CDC42BPB: variants seen among roughly 807,000 people sequenced by gnomAD.
CDC42BPB encodes serine/threonine-protein kinase MRCK beta.
In CDC42BPB, 37 loss-of-function variants were observed where a neutral mutation model predicts 214.9. That is an observed-to-expected ratio of 0.17 (90% CI 0.13 to 0.23). CDC42BPB has a LOEUF of 0.23. Ranked by LOEUF, CDC42BPB falls within the 10% of genes least tolerant of loss-of-function variation. The probability of loss-of-function intolerance (pLI) is 1.00; values close to 1 mark genes in which losing one functional copy is unlikely to be tolerated. For missense variants in CDC42BPB, 1,694 were observed against 2,227.0 expected, an observed-to-expected ratio of 0.76 and a Z score of 4.82; for synonymous variants, 931 against 884.0, an observed-to-expected ratio of 1.05 and a Z score of -0.94.
At chr14:102,982,337 C>G (rs189529529) in intron 7 of CDC42BPB, among the ~76,000 whole-genome samples, 7 of 152,278 alleles carry the variant, frequency 4.6e-5, no homozygotes, top group Admixed American at 1.3e-4. Flanking sequence ...CCTGTGAGAG[C>G]GAACTGTGGG....
chr14:102,987,934 A>G lies in CDC42BPB; in HGVS notation c.597-1354T>C, dbSNP rs531176790. On this transcript the variant is annotated intron_variant, in intron 5 of 36. Transcript: ENST00000361246. ...GGCTGTAGTGAGCTGTGATTGCGCC[A>G]CTGCACTCCAGCCTGGGCGACAGAG... is the stretch of plus-strand genomic sequence containing the variant. Among the ~76,000 whole-genome samples, 13 of 152,034 alleles carry G rather than the reference A, an allele frequency of 8.6e-5. No homozygotes were observed. The East Asian group carries it at 2.5e-3, about 29-fold the overall frequency.
intron 5 of CDC42BPB, among the ~76,000 whole-genome samples, chr14:102,988,883 A>AC (rs1270465726): frequency 6.6e-6 from 1 of 151,678 alleles, no homozygotes. Context: ...AAAAAAAAAA[A>AC]AAAACAAACA....
intron 11 of CDC42BPB, chr14:102,974,379 T>C: frequency 1.0e-6 from 1 of 984,804 alleles, no homozygotes; most frequent in Non-Finnish European, 1.2e-6. Context: ...GACTTTACTC[T>C]GATCTGACAG....
chr14:102,996,183 C>A (rs1346116110), intron 5 of CDC42BPB, among the ~76,000 whole-genome samples: 2 of 151,938 alleles, frequency 1.3e-5, no homozygotes, highest in Middle Eastern at 3.4e-3. Context: ...ACTAAAAATA[C>A]AAAAAAATTA....
intron 5 of CDC42BPB, among the ~76,000 whole-genome samples, chr14:102,990,234 G>C (rs1310691174): frequency 6.6e-6 from 1 of 152,194 alleles, no homozygotes; most frequent in East Asian, 1.9e-4. Context: ...TGAAGGGGGA[G>C]ATGGGGTTAA....
intron 29 of CDC42BPB, chr14:102,945,211 G>GGGCCCCT (rs1228175170): frequency 4.4e-6 from 2 of 457,348 alleles, no homozygotes; most frequent in Admixed American, 4.7e-5. Context: ...ATGCTCCCCT[G>GGGCCCCT]GGCCCCTGCC....
At chr14:103,032,554 A>G (rs1470436665) in intron 1 of CDC42BPB, among the ~76,000 whole-genome samples, 3 of 151,026 alleles carry the variant, frequency 2.0e-5, no homozygotes, top group African/African-American at 7.3e-5. Context: ...AAAAAAAAAA[A>G]AAGGAGAGAG....
At position 102,994,833 on chromosome 14, in the gene CDC42BPB, C is replaced by T. The variant is rs367689325; in HGVS notation, c.596+4732G>A. On this transcript the variant is annotated intron_variant, in intron 5 of 36. Coordinates refer to ENST00000361246, the MANE Select transcript of CDC42BPB (RefSeq NM_006035.4). The stretch of plus-strand genomic sequence containing the variant: ...AGTGATGTCAACTCCCACTTCCATC[C>T]GTTCCCCTTGTGGAACTTCCTGCTG... Among the ~76,000 whole-genome samples, 10 of 152,326 alleles carry T rather than the reference C, an allele frequency of 6.6e-5. No individual in the cohort carries two copies. In the South Asian group the frequency reaches 1.4e-3, roughly 22 times the overall value.
intron 9 of CDC42BPB, among the ~76,000 whole-genome samples, chr14:102,977,339 CAAAAAAAAAAAAA>C (rs56368090): frequency 2.3e-5 from 2 of 85,110 alleles, no homozygotes; most frequent in South Asian, 4.9e-4. Context: ...ACTCCGTCTC[CAAAAAAAAAAAAA>C]AAAAAAAAAG....
chr14:102,992,157 G>C (rs891431518), intron 5 of CDC42BPB, among the ~76,000 whole-genome samples: 1 of 152,152 alleles, frequency 6.6e-6, no homozygotes, highest in Non-Finnish European at 1.5e-5. Flanking sequence ...GGAGCCCCAA[G>C]GGGGCTTATC....
intron 1 of CDC42BPB, among the ~76,000 whole-genome samples, chr14:103,039,647 C>G (rs1887871399): frequency 6.6e-6 from 1 of 152,120 alleles, no homozygotes; most frequent in Non-Finnish European, 1.5e-5. Context: ...TTTATGAAAA[C>G]CCGCAGCTAA....
At chr14:102,976,143 T>A in intron 9 of CDC42BPB, 94 bp from the exon 10 acceptor site, 3 of 1,531,476 alleles carry the variant, frequency 2.0e-6, no homozygotes, top group Non-Finnish European at 2.6e-6. Context: ...ATAGTCTTTT[T>A]AAATCAGCAA....
chr14:102,961,519 G>A (rs1036622850), intron 20 of CDC42BPB, among the ~76,000 whole-genome samples: 3 of 149,304 alleles, frequency 2.0e-5, no homozygotes, highest in African/African-American at 5.0e-5. Flanking sequence ...ATTTTTAGTA[G>A]AGATGGCAAA....
chr14:102,952,582 T>C lies in CDC42BPB; in HGVS notation c.3088A>G (p.Ile1030Val). 2 of 1,613,978 alleles carry C rather than the reference T, an allele frequency of 1.2e-6. No individual in the cohort carries two copies. Among genetic ancestry groups the C allele is most frequent in the South Asian group, 1.1e-5 (1 of 91,036 alleles). The stretch of plus-strand genomic sequence containing the variant: ...TGAGTAGGGCTGGAGAAGGACTTGA[T>C]GCTGAACTGGTGAGCTTTTGGCTGG... ...GPKPKAHQFS[I>V]KSFSSPTQCS... Residue 1030 changes from isoleucine to valine, a missense_variant, in exon 24 of 37, where the codon ATC becomes GTC. By Grantham distance (29) the Ile-to-Val change is conservative. Around this residue, in one of 7 missense-constraint regions of CDC42BPB, gnomAD observed 567 missense variants for 790.3 expected, o/e 0.72. Coordinates refer to ENST00000361246, the MANE Select transcript of CDC42BPB (RefSeq NM_006035.4).
intron 19 of CDC42BPB, among the ~76,000 whole-genome samples, chr14:102,964,116 T>C (rs965720170): frequency 6.6e-6 from 1 of 152,254 alleles, no homozygotes; most frequent in African/African-American, 2.4e-5. Flanking sequence ...ATATTCACGT[T>C]AGCTTGAAAG....
intron 1 of CDC42BPB, among the ~76,000 whole-genome samples, chr14:103,015,084 A>G (rs1886383868): frequency 6.6e-6 from 1 of 152,222 alleles, no homozygotes; most frequent in African/African-American, 2.4e-5. Context: ...GGGCAGACAC[A>G]GATGATGGTG....
chr14:102,939,459 G>A (rs1158392936), intron 34 of CDC42BPB, 151 bp downstream of exon 34: 28 of 648,188 alleles, frequency 4.3e-5, no homozygotes, highest in East Asian at 1.6e-4. Context: ...GAGCTTCAGC[G>A]GAGACGGGCT....
chr14:103,020,273 G>A (rs17101195), intron 1 of CDC42BPB, among the ~76,000 whole-genome samples: 2 of 152,186 alleles, frequency 1.3e-5, no homozygotes, highest in Admixed American at 1.3e-4. Flanking sequence ...CAATGGCCAA[G>A]CAACATGCAG....
chr14:102,995,767 C>T lies in CDC42BPB; in HGVS notation c.596+3798G>A, dbSNP rs1264726525. Among the ~76,000 whole-genome samples, 5 of 152,348 alleles carry T rather than the reference C, an allele frequency of 3.3e-5. No homozygotes were observed. In the South Asian group the frequency reaches 6.2e-4, roughly 19 times the overall value. Reference sequence around the variant, plus strand: ...GCACGGGCTCCAAACCATGCTGTAACGTCAGCCACGCCGTAAAGTTGGCCA... The same window carrying T: ...GCACGGGCTCCAAACCATGCTGTAATGTCAGCCACGCCGTAAAGTTGGCCA... On this transcript the variant is annotated intron_variant, in intron 5 of 36. Transcript: ENST00000361246.
Sources: allele counts gnomAD v4.1 joint callset (sites outside exome capture counted in the v4.1 genomes callset), GRCh38; gene constraint gnomAD v4.1.1; regional missense constraint gnomAD v4.1.1; transcripts MANE v1.5; gene names NCBI Gene and HGNC (gene_info 2026-07-23, HGNC 2026-07-21).